COL5A1: variants seen among roughly 807,000 people sequenced by gnomAD.
COL5A1 encodes the protein collagen alpha-1(V) chain.
A neutral mutation model predicts 263.7 loss-of-function variants in COL5A1; 16 were observed. That is an observed-to-expected ratio of 0.06 (90% CI 0.04 to 0.09). COL5A1 has a LOEUF of 0.09. COL5A1 is among the 10% of genes least tolerant of loss of function. COL5A1 has a pLI of 1.00. For missense variants in COL5A1, 2,036 were observed against 2,540.5 expected (o/e 0.80, Z 4.27); for synonymous variants, 1,012 against 1,004.5 (o/e 1.01, Z -0.14).
At chr9:134,756,070 C>T (rs764037580) in intron 16 of COL5A1, among the ~76,000 whole-genome samples, 18 of 152,088 alleles carry the variant, frequency 1.2e-4, no homozygotes, top group Non-Finnish European at 2.2e-4. Flanking sequence ...TCATAGAGAC[C>T]CTGTTCCCTT....
intron 1 of COL5A1, among the ~76,000 whole-genome samples, chr9:134,646,530 C>G (rs1831480660): frequency 6.6e-6 from 1 of 152,220 alleles, no homozygotes; most frequent in Admixed American, 6.5e-5. Context: ...GCCCCTCATT[C>G]ACGGGCTTGG....
intron 1 of COL5A1, among the ~76,000 whole-genome samples, chr9:134,649,100 G>A (rs934559681): frequency 4.6e-5 from 7 of 151,716 alleles, no homozygotes; most frequent in Admixed American, 4.6e-4. Context: ...GGCGGGGTGT[G>A]GGGGGGGCTT....
rs1306793572 is a variant in COL5A1 at position 134,669,212 on chromosome 9, T to TTTCCC, written c.110-21682_110-21678dup. On this transcript the variant is annotated intron_variant, in intron 1 of 65. Coordinates refer to ENST00000371817, the MANE Select transcript of COL5A1 (RefSeq NM_000093.5). Reference sequence around the variant, plus strand: ...CTTTTCCTTTCCCTTTCCCTTTCCTTTTCCCTTCCCTTCCCTTCCCTTTCC... The same window carrying TTTCCC: ...CTTTTCCTTTCCCTTTCCCTTTCCTTTTCCCTTCCCTTCCCTTCCCTTCCCTTTCC... Among the ~76,000 whole-genome samples, 6 of 90,048 alleles carry TTTCCC rather than the reference T, an allele frequency of 6.7e-5. 1 individual carries two copies. Among genetic ancestry groups the TTTCCC allele is most frequent in the African/African-American group, 7.9e-5 (2 of 25,418 alleles). The allele number at this position is 90,048 out of a possible 152,430, so 59.1% of individuals were successfully genotyped here. A position where few individuals can be genotyped will look rare whatever the true frequency, so the allele number is the denominator to read the frequency against.
intron 16 of COL5A1, among the ~76,000 whole-genome samples, 173 bp from the exon 17 acceptor site, chr9:134,756,592 G>A (rs570958139): frequency 1.3e-4 from 20 of 152,304 alleles, no homozygotes; most frequent in African/African-American, 4.8e-4. Flanking sequence ...GAACAGCCCC[G>A]CCCGGGCTCC....
intron 4 of COL5A1, among the ~76,000 whole-genome samples, chr9:134,714,818 A>G (rs200207408): frequency 2.4e-5 from 1 of 41,992 alleles, no homozygotes. Flanking sequence ...GTGGTGGTGG[A>G]GGCGATGATG....
chr9:134,818,037 G>A lies in COL5A1; in HGVS notation c.4230+206G>A, dbSNP rs554208750. 9.2e-5 allele frequency among the ~76,000 whole-genome samples: 14 copies of A among 152,348 alleles called. No individual in the cohort carries two copies. The South Asian group carries it at 1.4e-3, about 16-fold the overall frequency. On this transcript the variant is annotated intron_variant, in intron 54 of 65. Coordinates refer to ENST00000371817, the MANE Select transcript of COL5A1 (RefSeq NM_000093.5). The surrounding 1 kb of genome is among the most constrained non-coding windows in gnomAD (Gnocchi z 6.0). ...AAGTGGTGGCCACAAGACTGGGGCC[G>A]TCTGCCTTGCCCACCTGAGGGAGGA...
At chr9:134,761,562 G>A (rs567470519) in intron 18 of COL5A1, among the ~76,000 whole-genome samples, 70 of 152,364 alleles carry the variant, frequency 4.6e-4, no homozygotes, top group African/African-American at 1.6e-3. Context: ...GGCAGGCGGG[G>A]CTCCCTGAGG....
At position 134,761,938 on chromosome 9, in the gene COL5A1, C is replaced by T. The variant is rs150890005; in HGVS notation, c.1949C>T (p.Pro650Leu). The T allele has an allele frequency of 5.0e-6, 8 of 1,613,580 alleles. No individual in the cohort carries two copies. The highest frequency in any genetic ancestry group is 5.1e-6 in the Non-Finnish European group (6 of 1,180,012). ...GEKGHRGDPG[P>L]SGPPGPPGDD... Reference sequence around the variant, plus strand: ...TTCACTTCCTAGGGTGACCCTGGTCCTTCCGGCCCACCAGGACCTCCGGGA... The same window carrying T: ...TTCACTTCCTAGGGTGACCCTGGTCTTTCCGGCCCACCAGGACCTCCGGGA... Residue 650 changes from proline (P) to leucine (L), a missense_variant, in exon 19 of 66, where the codon CCT becomes CTT. Pro to Leu is a moderately conservative substitution (Grantham distance 98). This residue lies in a region of COL5A1 where 1,078 missense variants were observed against 1,521.4 expected (regional missense o/e 0.71). Coordinates refer to ENST00000371817, the MANE Select transcript of COL5A1 (RefSeq NM_000093.5).
chr9:134,709,697 T>C (rs750007041), intron 4 of COL5A1, among the ~76,000 whole-genome samples: 2 of 152,154 alleles, frequency 1.3e-5, no homozygotes, highest in Non-Finnish European at 2.9e-5. Context: ...GTTTGTTCCA[T>C]GGAAAATGTG....
rs557381887 is a variant in COL5A1, at chr9:134,747,296, C to G, written c.1495-3246C>G. ...AGCCTGGGGATTGGATTTTCACCAC[C>G]GTGGCTTAGAACAGGCAGGAAGGAT... is the stretch of plus-strand genomic sequence containing the variant. On this transcript the variant is annotated intron_variant, in intron 11 of 65. Coordinates refer to ENST00000371817, the MANE Select transcript of COL5A1 (RefSeq NM_000093.5). Among the ~76,000 whole-genome samples, 182 of 152,286 alleles carry G rather than the reference C, an allele frequency of 1.2e-3. 1 individual carries two copies. In the Middle Eastern group the frequency reaches 0.024, roughly 20 times the overall value.
Position 134,728,794 on chromosome 9 carries a change from C to G in COL5A1, c.911C>G (p.Thr304Arg). ...KKPVEAAKET[T>R]EVPEELTPTP... ...CCCGTGGAAGCTGCCAAAGAAACCA[C>G]AGAGGTCCCCGAGGTCTGGGCTGAG... Residue 304 changes from threonine to arginine, a missense_variant, in exon 6 of 66, where the codon ACA becomes AGA. By Grantham distance (71) the Thr-to-Arg change is moderately conservative. Around this residue, in one of 3 missense-constraint regions of COL5A1, gnomAD observed 600 missense variants for 634.5 expected, o/e 0.95. Coordinates refer to ENST00000371817, the MANE Select transcript of COL5A1 (RefSeq NM_000093.5). The G allele has an allele frequency of 6.2e-7, 1 of 1,614,176 alleles. No individual in the cohort carries two copies. Among genetic ancestry groups the G allele is most frequent in the Non-Finnish European group, 8.5e-7 (1 of 1,180,042 alleles).
chr9:134,801,138 G>A (rs1371619820), intron 37 of COL5A1, among the ~76,000 whole-genome samples: 1 of 152,238 alleles, frequency 6.6e-6, no homozygotes, highest in Admixed American at 6.5e-5. Context: ...CGTTATCTAC[G>A]CGTGAGCATG....
rs1028490942 is a variant in COL5A1, at chr9:134,818,236, C to T, written c.4230+405C>T. Reference sequence around the variant, plus strand: ...TGCGGGGCCCGTGCAGAAGATGGGACGCCGTCACCCATGCAGTTGGCTTGG... The same window carrying T: ...TGCGGGGCCCGTGCAGAAGATGGGATGCCGTCACCCATGCAGTTGGCTTGG... On this transcript the variant is annotated intron_variant, in intron 54 of 65. Transcript: ENST00000371817. This position sits in a 1 kb window ranked among gnomAD's most constrained non-coding sequence, Gnocchi z 6.0. 3.9e-5 allele frequency among the ~76,000 whole-genome samples: 6 copies of T among 152,218 alleles called. No individual in the cohort carries two copies. Among genetic ancestry groups the T allele is most frequent in the African/African-American group, 9.6e-5 (4 of 41,458 alleles).
chr9:134,738,051 C>G (rs1022541733), intron 9 of COL5A1, among the ~76,000 whole-genome samples: 1 of 152,174 alleles, frequency 6.6e-6, no homozygotes, highest in African/African-American at 2.4e-5. Flanking sequence ...CTATTTTTCC[C>G]TTATCCTTCC....
At chr9:134,743,407 G>T (rs1029070487) in intron 11 of COL5A1, among the ~76,000 whole-genome samples, 34 of 152,204 alleles carry the variant, frequency 2.2e-4, no homozygotes, top group East Asian at 1.2e-3. Flanking sequence ...ACTTCACACA[G>T]ATCTTTCCAC....
intron 1 of COL5A1, among the ~76,000 whole-genome samples, chr9:134,671,191 C>T (rs1388492126): frequency 1.3e-5 from 2 of 152,204 alleles, no homozygotes; most frequent in African/African-American, 2.4e-5. Flanking sequence ...TCAGACAGCT[C>T]CTGCGCATGA....
intron 64 of COL5A1, 58 bp from the exon 65 acceptor site, chr9:134,834,913 G>A: frequency 1.6e-6 from 2 of 1,255,080 alleles, no homozygotes; most frequent in Non-Finnish European, 2.3e-6. Flanking sequence ...GCGGACGTGG[G>A]GCTTTGTTGC....
At chr9:134,646,787 G>A (rs914424326) in intron 1 of COL5A1, among the ~76,000 whole-genome samples, 2 of 152,156 alleles carry the variant, frequency 1.3e-5, no homozygotes, top group Admixed American at 6.5e-5. Context: ...GTGGTCGGAT[G>A]TGGGAGGGGA....
intron 1 of COL5A1, among the ~76,000 whole-genome samples, chr9:134,669,314 T>TCCCCTC (rs1564376554): frequency 2.4e-5 from 2 of 81,736 alleles, no homozygotes; most frequent in South Asian, 1.2e-3. Context: ...CCCCTCCCCT[T>TCCCCTC]CCCTTCTCCT....
Sources: gnomAD v4.1 joint callset for allele counts (sites outside exome capture counted in the v4.1 genomes callset) on GRCh38, gnomAD v4.1.1 for gene constraint, gnomAD v4.1.1 regional missense constraint, Gnocchi (gnomAD v3.1) non-coding constraint, MANE v1.5 for transcripts, NCBI Gene and HGNC (gene_info 2026-07-23, HGNC 2026-07-21) for gene names.